P3H2: variants seen among roughly 807,000 people sequenced by gnomAD.
P3H2 encodes the protein prolyl 3-hydroxylase 2.
P3H2 carries 80 observed loss-of-function variants against 87.0 expected under a neutral mutation model. That is an observed-to-expected ratio of 0.92 (90% CI 0.77 to 1.11). The LOEUF is 1.11. Ranked by LOEUF, P3H2 falls within the 50% of genes least tolerant of loss-of-function variation. P3H2 has a pLI of 0.00. For synonymous variants in P3H2, 367 were observed against 359.3 expected (o/e 1.02, Z -0.24); for missense variants, 1,001 against 923.9 (o/e 1.08, Z -1.08).
intron 1 of P3H2, among the ~76,000 whole-genome samples, chr3:190,047,837 T>C (rs1725854402): frequency 6.6e-6 from 1 of 152,144 alleles, no homozygotes; most frequent in Non-Finnish European, 1.5e-5. Flanking sequence ...TACAGTTAGA[T>C]AGAAGGAATA....
In P3H2 at chr3:189,974,602, C is replaced by T. The variant is rs143768603; in HGVS notation, c.1408G>A (p.Val470Ile). ...NGTQRVLLDN[V>I]LSEEQCRELH... ...TCCCGGCACTGTTCTTCCGACAGGA[C>T]GTTATCCAGGAGAACCCGCTGAGTC... Residue 470 changes from valine to isoleucine, a missense_variant, in exon 9 of 15, where the codon GTC (valine) becomes ATC (isoleucine). Transcript: ENST00000319332. The T allele has an allele frequency of 1.8e-4, 284 of 1,614,120 alleles. No homozygotes were observed. In the African/African-American group the frequency reaches 3.1e-3, roughly 18 times the overall value.
chr3:190,027,365 C>G (rs1206979653), intron 1 of P3H2, among the ~76,000 whole-genome samples: 1 of 152,156 alleles, frequency 6.6e-6, no homozygotes, highest in East Asian at 1.9e-4. Flanking sequence ...CAGGGTTTCA[C>G]AGCCAGCGAA....
At chr3:189,963,910 G>A (rs1289850031) in intron 14 of P3H2, 48 bp downstream of exon 14, 2 of 1,607,694 alleles carry the variant, frequency 1.2e-6, no homozygotes, top group Non-Finnish European at 1.7e-6. Context: ...AGATAAAGCA[G>A]TTCATGAAGC....
At chr3:190,016,127 C>G (rs143662021) in intron 1 of P3H2, among the ~76,000 whole-genome samples, 2 of 152,338 alleles carry the variant, frequency 1.3e-5, no homozygotes, top group South Asian at 2.1e-4. Flanking sequence ...ACATATATCA[C>G]TGATGGGATT....
At chr3:190,043,856 C>A (rs938278952) in intron 1 of P3H2, among the ~76,000 whole-genome samples, 2 of 152,294 alleles carry the variant, frequency 1.3e-5, no homozygotes, top group East Asian at 3.9e-4. Context: ...CAGACTCTGA[C>A]AATGCACCTC....
chr3:190,045,177 G>A (rs1032512678), intron 1 of P3H2, among the ~76,000 whole-genome samples: 7 of 152,274 alleles, frequency 4.6e-5, no homozygotes, highest in Admixed American at 3.9e-4. Context: ...GGATTTTATA[G>A]GACCTAATAA....
intron 1 of P3H2, among the ~76,000 whole-genome samples, chr3:190,043,327 C>T (rs1171257267): frequency 6.6e-6 from 1 of 152,142 alleles, no homozygotes; most frequent in Non-Finnish European, 1.5e-5. Context: ...TTGCTAACCT[C>T]CAGGAAGCCA....
intron 5 of P3H2, among the ~76,000 whole-genome samples, chr3:189,987,153 C>G (rs1008806014): frequency 3.3e-5 from 5 of 152,222 alleles, no homozygotes; most frequent in Admixed American, 6.5e-5. Flanking sequence ...TTTTTATCAA[C>G]TCTCCCCCGA....
intron 1 of P3H2, among the ~76,000 whole-genome samples, chr3:190,016,840 A>G (rs912348045): frequency 6.6e-6 from 1 of 152,102 alleles, no homozygotes; most frequent in African/African-American, 2.4e-5. Flanking sequence ...CTACCTTCCA[A>G]AACAGCCCAT....
At chr3:190,062,489 CT>C (rs1425810003) in intron 1 of P3H2, among the ~76,000 whole-genome samples, 1 of 152,144 alleles carries the variant, frequency 6.6e-6, no homozygotes, top group Non-Finnish European at 1.5e-5. Flanking sequence ...ATAACTAAAA[CT>C]GTGGCCCATA....
intron 8 of P3H2, among the ~76,000 whole-genome samples, chr3:189,980,717 C>T (rs999397067): frequency 1.3e-5 from 2 of 152,112 alleles, no homozygotes; most frequent in African/African-American, 4.8e-5. Flanking sequence ...GTTTTTATCC[C>T]TTGTTTCTAG....
Position 189,964,064 on chromosome 3 carries a change from C to G in P3H2, c.1928G>C (p.Ser643Thr). Residue 643 changes from serine (S) to threonine (T), a missense_variant, in exon 14 of 15, where the codon AGC (serine) becomes ACC (threonine). Ser to Thr is a moderately conservative substitution (Grantham distance 58). Transcript: ENST00000319332. ...SIKPKCGRMI[S>T]FSSGGENPHG... is the part of the protein sequence containing the mutation. The stretch of plus-strand genomic sequence containing the variant: ...AGGGTTCTCTCCTCCAGATGAGAAG[C>G]TGATCATGCGCCCACATTTTGGTTT... The G allele has an allele frequency of 6.2e-7, 1 of 1,614,158 alleles. No individual in the cohort carries two copies. Among genetic ancestry groups the G allele is most frequent in the Non-Finnish European group, 8.5e-7 (1 of 1,180,010 alleles).
Position 190,027,272 on chromosome 3 carries a change from G to T in P3H2, c.481-31830C>A, listed in dbSNP as rs114463967. 4.0e-3 allele frequency among the ~76,000 whole-genome samples: 609 copies of T among 152,306 alleles called. 7 individuals carry two copies. Among genetic ancestry groups the T allele is most frequent in the African/African-American group, 0.014 (571 of 41,564 alleles). ...CTCTGGACAGAGAAACCACCCAACA[G>T]ATAATACTATACCATGAAGCAAAGA... On this transcript the variant is annotated intron_variant, in intron 1 of 14. Transcript: ENST00000319332.
intron 6 of P3H2, among the ~76,000 whole-genome samples, chr3:189,985,231 ATAGTAACC>A (rs1723652766): frequency 6.6e-6 from 1 of 152,032 alleles, no homozygotes; most frequent in Admixed American, 6.5e-5. Flanking sequence ...AAGAACTTAC[ATAGTAACC>A]AATGGATAAA....
At chr3:189,966,013 G>A (rs1722964651) in intron 13 of P3H2, among the ~76,000 whole-genome samples, 1 of 132,136 alleles carries the variant, frequency 7.6e-6, no homozygotes. Flanking sequence ...GAGAGGGAGA[G>A]AAAGAAAGAA....
At chr3:190,002,564 C>T (rs747776729) in intron 1 of P3H2, among the ~76,000 whole-genome samples, 1 of 152,024 alleles carries the variant, frequency 6.6e-6, no homozygotes, top group Non-Finnish European at 1.5e-5. Context: ...ACACACCCGG[C>T]TAATTTTTGT....
rs143662349 is a variant in P3H2, at chr3:189,978,412, A to C, written c.1325-3727T>G. Among the ~76,000 whole-genome samples the C allele has an allele frequency of 4.6e-3, 705 of 152,316 alleles. 3 individuals carry two copies. Among genetic ancestry groups the C allele is most frequent in the Middle Eastern group, 0.02 (6 of 294 alleles). On this transcript the variant is annotated intron_variant, in intron 8 of 14. Transcript: ENST00000319332. ...ACCTGGAATACTGTGTTAAGTTCTG[A>C]TTGAGACACCTTAATAAGCATAGAG...
chr3:190,009,391 G>C (rs78541107), intron 1 of P3H2, among the ~76,000 whole-genome samples: 2,228 of 152,240 alleles, frequency 0.015, 48 homozygotes, highest in African/African-American at 0.051. Flanking sequence ...GATGGTCTAC[G>C]AGAGAGCTGG....
chr3:190,101,326 T>C (rs1577324454), intron 1 of P3H2, among the ~76,000 whole-genome samples: 1 of 58,720 alleles, frequency 1.7e-5, no homozygotes. Context: ...CAAAATAGAA[T>C]AAAAGCTAGG....
Sources: gnomAD v4.1 joint callset for allele counts (sites outside exome capture counted in the v4.1 genomes callset) on GRCh38, gnomAD v4.1.1 for gene constraint, MANE v1.5 for transcripts, NCBI Gene and HGNC (gene_info 2026-07-23, HGNC 2026-07-21) for gene names.